The following CCSER1 variants were observed in gnomAD, a reference collection of about 807,000 sequenced individuals.
CCSER1 encodes serine-rich coiled-coil domain-containing protein 1.
Under a neutral mutation model 82.0 loss-of-function variants are expected in CCSER1, and 41 were observed. The ratio of observed to expected loss-of-function variants is 0.50; its 90% confidence interval spans 0.39 to 0.65. The LOEUF (loss-of-function observed/expected upper bound fraction) is 0.65, where lower values mean the gene tolerates loss of function less well. CCSER1 is among the 30% of genes least tolerant of loss of function. The probability of loss-of-function intolerance (pLI) is 0.00; values close to 1 mark genes in which losing one functional copy is unlikely to be tolerated. For missense variants in CCSER1, 1,119 were observed against 1,064.2 expected (o/e 1.05, Z -0.72); for synonymous variants, 414 against 383.9 (o/e 1.08, Z -0.92).
chr4:90,308,843 T>C lies in CCSER1; in HGVS notation c.559T>C (p.Ser187Pro). Residue 187 changes from serine (S) to proline (P), a missense_variant, in exon 2 of 11, where the codon TCT (serine) becomes CCT (proline). Physicochemically the swap from Ser to Pro is moderately conservative, Grantham distance 74. Coordinates refer to ENST00000509176, the MANE Select transcript of CCSER1 (RefSeq NM_001145065.2). The part of the protein sequence containing the change: ...TRKLLPKSFS[S>P]HYKFSKPVLQ... Reference sequence around the variant, plus strand: ...GAAGCTACTCCCTAAATCTTTTTCATCTCACTATAAATTTTCTAAGCCAGT... The same window carrying C: ...GAAGCTACTCCCTAAATCTTTTTCACCTCACTATAAATTTTCTAAGCCAGT... 2 of 1,613,768 alleles carry C rather than the reference T, an allele frequency of 1.2e-6. No individual in the cohort carries two copies. The highest frequency in any genetic ancestry group is 1.7e-6 in the Non-Finnish European group (2 of 1,179,796).
intron 10 of CCSER1, among the ~76,000 whole-genome samples, chr4:91,130,213 T>C (rs1727880010): frequency 6.6e-6 from 1 of 151,870 alleles, no homozygotes; most frequent in Admixed American, 6.6e-5. Context: ...GAAAAAGTAT[T>C]TAAAAAAGTA....
intron 5 of CCSER1, among the ~76,000 whole-genome samples, chr4:90,594,156 A>G (rs1349966153): frequency 6.6e-6 from 1 of 151,978 alleles, no homozygotes; most frequent in Non-Finnish European, 1.5e-5. Flanking sequence ...GAAAAAAAAA[A>G]CAAGCTCAAA....
chr4:90,571,522 T>G (rs1424412264), intron 5 of CCSER1, among the ~76,000 whole-genome samples: 1 of 152,174 alleles, frequency 6.6e-6, no homozygotes, highest in African/African-American at 2.4e-5. Flanking sequence ...CATATTCTTA[T>G]GTATAAGTGG....
chr4:90,713,024 A>G (rs1302526519), intron 6 of CCSER1, among the ~76,000 whole-genome samples: 6 of 147,182 alleles, frequency 4.1e-5, no homozygotes, highest in Non-Finnish European at 6.0e-5. Flanking sequence ...CTTAATTTTG[A>G]GCCTATGTTT....
chr4:90,605,247 G>A (rs1448291083), intron 5 of CCSER1, among the ~76,000 whole-genome samples: 2 of 152,172 alleles, frequency 1.3e-5, no homozygotes, highest in African/African-American at 4.8e-5. Context: ...ACGAGGGTCT[G>A]CAGCTTCATT....
chr4:90,454,479 T>C (rs181719123), intron 4 of CCSER1, among the ~76,000 whole-genome samples: 7 of 152,148 alleles, frequency 4.6e-5, no homozygotes, highest in African/African-American at 1.7e-4. Flanking sequence ...GGGTTTCTCA[T>C]TGAATCCCTT....
At chr4:90,363,456 A>G (rs974358832) in intron 3 of CCSER1, among the ~76,000 whole-genome samples, 10 of 152,104 alleles carry the variant, frequency 6.6e-5, no homozygotes, top group Non-Finnish European at 5.9e-5. Flanking sequence ...CCTAAAGTAC[A>G]CCAGATCTGT....
intron 10 of CCSER1, among the ~76,000 whole-genome samples, chr4:91,334,440 A>G (rs1212110866): frequency 1.3e-5 from 2 of 152,090 alleles, no homozygotes; most frequent in African/African-American, 2.4e-5. Flanking sequence ...TGTATTTACT[A>G]TGTGTCAATG....
At chr4:90,683,222 A>G (rs1485794756) in intron 6 of CCSER1, 3 of 152,258 alleles carry the variant, frequency 2.0e-5, no homozygotes, top group Middle Eastern at 3.4e-3. Flanking sequence ...AGAAAGAAGA[A>G]TCTTACTGTA....
intron 8 of CCSER1, among the ~76,000 whole-genome samples, chr4:90,817,013 A>G (rs1239808514): frequency 3.3e-5 from 5 of 152,138 alleles, no homozygotes; most frequent in African/African-American, 1.2e-4. Flanking sequence ...TAAGAATAGT[A>G]TCACAGACAA....
intron 10 of CCSER1, among the ~76,000 whole-genome samples, chr4:91,294,398 C>A (rs1378987975): frequency 6.6e-6 from 1 of 151,736 alleles, no homozygotes; most frequent in Non-Finnish European, 1.5e-5. Context: ...AAAAGTGAAA[C>A]CTTGTCCCAT....
intron 3 of CCSER1, among the ~76,000 whole-genome samples, chr4:90,373,038 C>T (rs1462394403): frequency 6.6e-6 from 1 of 151,886 alleles, no homozygotes; most frequent in Admixed American, 6.6e-5. Flanking sequence ...TCCAACCATC[C>T]ATCTGTCCAT....
intron 5 of CCSER1, among the ~76,000 whole-genome samples, chr4:90,540,411 A>G (rs551501989): frequency 2.4e-4 from 36 of 152,156 alleles, no homozygotes; most frequent in African/African-American, 8.4e-4. Context: ...TAAGATCTGC[A>G]TTTTTACTTA....
intron 5 of CCSER1, among the ~76,000 whole-genome samples, chr4:90,492,709 A>G (rs1040815193): frequency 1.3e-5 from 2 of 151,992 alleles, no homozygotes; most frequent in Admixed American, 6.6e-5. Context: ...AGAGATTCTG[A>G]TATGTTGAGT....
At chr4:90,792,306 T>A (rs1274736727) in intron 7 of CCSER1, among the ~76,000 whole-genome samples, 2 of 152,212 alleles carry the variant, frequency 1.3e-5, no homozygotes, top group Admixed American at 6.5e-5. Flanking sequence ...TAGGGTACTA[T>A]GTATATTTTA....
intron 1 of CCSER1, among the ~76,000 whole-genome samples, chr4:90,274,288 C>G (rs538026076): frequency 6.6e-6 from 1 of 152,110 alleles, no homozygotes; most frequent in Non-Finnish European, 1.5e-5. Flanking sequence ...GTGTGGAAGT[C>G]ATGGTGGAAA....
chr4:90,614,762 G>T (rs952970185), intron 5 of CCSER1, among the ~76,000 whole-genome samples: 6 of 152,146 alleles, frequency 3.9e-5, no homozygotes, highest in Non-Finnish European at 4.4e-5. Context: ...AAAGTGTAAG[G>T]TAAAGCAGCA....
intron 10 of CCSER1, among the ~76,000 whole-genome samples, chr4:91,556,994 C>A (rs746256499): frequency 1.3e-4 from 19 of 150,918 alleles, no homozygotes; most frequent in Non-Finnish European, 7.4e-5. Flanking sequence ...AAATAGTTTT[C>A]TTTATCCCTA....
intron 3 of CCSER1, among the ~76,000 whole-genome samples, chr4:90,366,333 CT>C (rs1746283285): frequency 6.6e-6 from 1 of 151,658 alleles, no homozygotes; most frequent in Non-Finnish European, 1.5e-5. Context: ...TGTATTTTCT[CT>C]TTTTCTTCTA....
Sources: allele counts gnomAD v4.1 joint callset (sites outside exome capture counted in the v4.1 genomes callset), GRCh38; gene constraint gnomAD v4.1.1; transcripts MANE v1.5; gene names NCBI Gene and HGNC (gene_info 2026-07-23, HGNC 2026-07-21).